DBX2: variants seen among roughly 807,000 people sequenced by gnomAD.
The protein encoded by DBX2 is homeobox protein DBX2.
In DBX2, 16 loss-of-function variants were observed where a neutral mutation model predicts 17.7. The ratio of observed to expected loss-of-function variants is 0.90; its 90% CI spans 0.61 to 1.37. The LOEUF (loss-of-function observed/expected upper bound fraction) is 1.37, where lower values mean the gene tolerates loss of function less well. DBX2 is among the 40% of genes most tolerant of loss of function. The pLI, the probability that DBX2 is intolerant of heterozygous loss-of-function variation, is 0.00. For missense variants in DBX2, 538 were observed against 433.8 expected, an observed-to-expected ratio of 1.24 and a Z score of -2.13; for synonymous variants, 255 against 183.8, an observed-to-expected ratio of 1.39 and a Z score of -3.13.
Position 45,016,554 on chromosome 12 carries a change from G to A in DBX2, c.752C>T (p.Ser251Phe), listed in dbSNP as rs1303818161. 1 of 1,582,304 alleles carries A rather than the reference G, an allele frequency of 6.3e-7. No homozygotes were observed. Among genetic ancestry groups the A allele is most frequent in the Non-Finnish European group, 8.6e-7 (1 of 1,167,448 alleles). The change falls in exon 4 of 4, where the codon TCC (serine) becomes TTC (phenylalanine). Residue 251 changes from serine (S) to phenylalanine (F), a missense_variant. Coordinates refer to ENST00000332700, the MANE Select transcript of DBX2 (RefSeq NM_001004329.3). ...ACCTACTTCTTGGATACACCTGTTG[G>A]AAAGCACTTCCTTTTCTTTGGAATT... ...WRNSKEKEVL[S>F]NRCIQEVGLQ... is the part of the protein sequence containing the mutation.
At position 45,051,018 on chromosome 12, in the gene DBX2, C is replaced by G; in HGVS notation, c.-91G>C. On this transcript the variant is annotated 5_prime_UTR_variant, in exon 1 of 4. Coordinates refer to ENST00000332700, the MANE Select transcript of DBX2 (RefSeq NM_001004329.3). ...CCGCACCCAGAGCCGCAGCTTCTCG[C>G]CGCCGCCTCCCGCAGGGCTGGAGCG... The G allele has an allele frequency of 7.7e-7, 1 of 1,298,214 alleles. No individual in the cohort carries two copies. The highest frequency in any genetic ancestry group is 9.8e-7 in the Non-Finnish European group (1 of 1,025,640). The allele number at this position is 1,298,214 out of a possible 1,614,324, so 80.4% of individuals were successfully genotyped here. A position where few individuals can be genotyped will look rare whatever the true frequency, so the allele number is the denominator to read the frequency against.
In DBX2 at chr12:45,050,886, C is replaced by A. The variant is rs1442326325; in HGVS notation, c.42G>T (p.Trp14Cys). 1.3e-6 allele frequency: 2 copies of A among 1,523,248 alleles called. No individual in the cohort carries two copies. Among genetic ancestry groups the A allele is most frequent in the Admixed American group, 4.4e-5 (2 of 45,374 alleles). 94.4% of individuals were successfully genotyped at this position (1,523,248 alleles called of 1,614,324 possible). The change falls in exon 1 of 4, where the codon TGG (tryptophan) becomes TGT (cysteine). Residue 14 changes from tryptophan to cysteine, a missense_variant. By Grantham distance (215) the Trp-to-Cys change is radical. Transcript: ENST00000332700. The part of the protein sequence containing the change: ...SAVAAHAGAY[W>C]DVVASSALLN... ...GGAGCGCGGAGGAAGCCACAACGTC[C>A]CAGTACGCACCGGCGTGGGCTGCGA... is the stretch of plus-strand genomic sequence containing the variant.
At chr12:45,032,499 T>A (rs888756316) in intron 2 of DBX2, among the ~76,000 whole-genome samples, 9 of 152,186 alleles carry the variant, frequency 5.9e-5, no homozygotes, top group African/African-American at 1.9e-4. Context: ...ATTCCCCATC[T>A]TTGACCATGA....
chr12:45,026,618 A>G (rs534785571), intron 2 of DBX2, among the ~76,000 whole-genome samples: 3 of 152,248 alleles, frequency 2.0e-5, no homozygotes, highest in Non-Finnish European at 4.4e-5. Context: ...GGAAAAAGTC[A>G]ACAAATCTTG....
At chr12:45,017,479 A>G (rs1946330045) in intron 3 of DBX2, among the ~76,000 whole-genome samples, 1 of 152,222 alleles carries the variant, frequency 6.6e-6, no homozygotes, top group African/African-American at 2.4e-5. Flanking sequence ...CTTATAAACA[A>G]TCAGACCTCA....
At chr12:45,028,401 A>G (rs1419252751) in intron 2 of DBX2, among the ~76,000 whole-genome samples, 1 of 150,968 alleles carries the variant, frequency 6.6e-6, no homozygotes, top group African/African-American at 2.5e-5. Flanking sequence ...AAAAATATGT[A>G]CCCTTTTTTT....
intron 1 of DBX2, among the ~76,000 whole-genome samples, chr12:45,037,025 C>A (rs1946444623): frequency 6.6e-6 from 1 of 152,136 alleles, no homozygotes; most frequent in African/African-American, 2.4e-5. Flanking sequence ...TGGCCAAAAA[C>A]TTCTATAAAA....
intron 1 of DBX2, among the ~76,000 whole-genome samples, chr12:45,044,026 T>C (rs774467376): frequency 2.6e-5 from 4 of 152,230 alleles, no homozygotes; most frequent in South Asian, 2.1e-4. Context: ...CAGAGAGCTA[T>C]AGGTAGTTTT....
chr12:45,046,843 T>C lies in DBX2; in HGVS notation c.403+3682A>G, dbSNP rs758684305. Among the ~76,000 whole-genome samples the C allele has an allele frequency of 2.4e-4, 36 of 152,192 alleles. 1 individual carries two copies. Among genetic ancestry groups the C allele is most frequent in the Non-Finnish European group, 4.1e-4 (28 of 68,022 alleles). Reference sequence around the variant, plus strand: ...CCAGAAAAAAAAATACTAATGCTCTTTTATTTCTTTACTACACAGAATGAC... The same window carrying C: ...CCAGAAAAAAAAATACTAATGCTCTCTTATTTCTTTACTACACAGAATGAC... On this transcript the variant is annotated intron_variant, in intron 1 of 3. Transcript: ENST00000332700.
At chr12:45,048,176 C>T (rs942202164) in intron 1 of DBX2, among the ~76,000 whole-genome samples, 1 of 152,048 alleles carries the variant, frequency 6.6e-6, no homozygotes, top group African/African-American at 2.4e-5. Context: ...GCATAAATCC[C>T]GCAGTTAAAC....
At position 45,016,250 on chromosome 12, in the gene DBX2, G is replaced by A; in HGVS notation, c.*36C>T. 6.6e-7 allele frequency: 1 copy of A among 1,524,834 alleles called. No homozygotes were observed. Among genetic ancestry groups the A allele is most frequent in the Non-Finnish European group, 8.8e-7 (1 of 1,138,854 alleles). The allele number at this position is 1,524,834 out of a possible 1,614,324, so 94.5% of individuals were successfully genotyped here. A position where few individuals can be genotyped will look rare whatever the true frequency, so the allele number is the denominator to read the frequency against. Reference sequence around the variant, plus strand: ...ATTAGAGTCCAGATGTTACTATTAAGCGTTCTTTTAAATGAACACGGAGGA... The same window carrying A: ...ATTAGAGTCCAGATGTTACTATTAAACGTTCTTTTAAATGAACACGGAGGA... On this transcript the variant is annotated 3_prime_UTR_variant, in exon 4 of 4. Coordinates refer to ENST00000332700, the MANE Select transcript of DBX2 (RefSeq NM_001004329.3).
chr12:45,050,800 A>T lies in DBX2; in HGVS notation c.128T>A (p.Leu43Ter). ...CGTTGGGGCGCCCCCGACCCGCAGC[A>T]AATTCTCGATCAGGAAACTCTTGCC... Reference protein sequence around the residue: ...NLGKSFLIENLLRVGGAPTPR... With the variant: ...NLGKSFLIEN Residue 43 changes from leucine to a stop codon, truncating the protein, a stop_gained, in exon 1 of 4, where the codon TTG becomes TAG. Coordinates refer to ENST00000332700, the MANE Select transcript of DBX2 (RefSeq NM_001004329.3). LOFTEE classifies it high-confidence loss of function. 1 of 1,532,596 alleles carries T rather than the reference A, an allele frequency of 6.5e-7. No homozygotes were observed. The highest frequency in any genetic ancestry group is 2.1e-5 in the Admixed American group (1 of 48,484). 94.9% of individuals were successfully genotyped at this position (1,532,596 alleles called of 1,614,324 possible).
chr12:45,043,845 T>C (rs1292533376), intron 1 of DBX2, among the ~76,000 whole-genome samples: 2 of 152,222 alleles, frequency 1.3e-5, no homozygotes, highest in African/African-American at 4.8e-5. Flanking sequence ...TTTTCCTGTA[T>C]CTTACCAGTG....
intron 1 of DBX2, among the ~76,000 whole-genome samples, chr12:45,048,267 T>G (rs890855320): frequency 2.0e-5 from 3 of 152,066 alleles, no homozygotes; most frequent in Non-Finnish European, 4.4e-5. Flanking sequence ...CTCAACAAAT[T>G]AAGTCTGGGA....
chr12:45,016,768 C>A (rs1946326146), intron 3 of DBX2, 150 bp from the exon 4 acceptor site: 1 of 571,720 alleles, frequency 1.7e-6, no homozygotes, highest in Non-Finnish European at 2.7e-6. Flanking sequence ...TTCACATGGG[C>A]TCCTTCAAAA....
At chr12:45,039,277 GTATATATATATA>G (rs58371508) in intron 1 of DBX2, among the ~76,000 whole-genome samples, 1,676 of 90,208 alleles carry the variant, frequency 0.019, 40 homozygotes, top group African/African-American at 0.052. Context: ...TGCATTGAAG[GTATATATATATA>G]TATATATATA....
intron 2 of DBX2, among the ~76,000 whole-genome samples, chr12:45,027,935 G>C (rs1946390033): frequency 6.6e-6 from 1 of 152,220 alleles, no homozygotes; most frequent in Admixed American, 6.5e-5. Flanking sequence ...CCACAATACA[G>C]TGGGATGAGA....
At chr12:45,016,943 C>T (rs2137016666) in intron 3 of DBX2, among the ~76,000 whole-genome samples, 1 of 152,180 alleles carries the variant, frequency 6.6e-6, no homozygotes, top group African/African-American at 2.4e-5. Context: ...ACCACCATAA[C>T]CGGCTAATTT....
rs377646614 is a variant in DBX2 at position 45,050,623 on chromosome 12, C to G, written c.305G>C (p.Arg102Pro). The change falls in exon 1 of 4, where the codon CGG becomes CCG. Residue 102 changes from arginine to proline, a missense_variant. By Grantham distance (103) the Arg-to-Pro change is moderately radical. Coordinates refer to ENST00000332700, the MANE Select transcript of DBX2 (RefSeq NM_001004329.3). ...VSPAGAPYGT[R>P]WAFQVLSPSA... ...GGGACTGAGCACTTGAAAAGCCCAC[C>G]GCGTTCCGTAGGGCGCCCCGGCGGG... The G allele has an allele frequency of 6.5e-7, 1 of 1,550,294 alleles. No homozygotes were observed. The highest frequency in any genetic ancestry group is 8.7e-7 in the Non-Finnish European group (1 of 1,147,130).
Sources: gnomAD v4.1 joint callset for allele counts (sites outside exome capture counted in the v4.1 genomes callset) on GRCh38, gnomAD v4.1.1 for gene constraint, MANE v1.5 for transcripts, NCBI Gene and HGNC (gene_info 2026-07-23, HGNC 2026-07-21) for gene names.